The following PRKAG2 variants were observed in gnomAD, a reference collection of about 807,000 sequenced individuals.
The protein encoded by PRKAG2 is protein kinase AMP-activated non-catalytic subunit gamma 2, also known as 5'-AMP-activated protein kinase subunit gamma-2.
Under a neutral mutation model 69.6 loss-of-function variants are expected in PRKAG2, and 26 were observed. The ratio of observed to expected loss-of-function variants is 0.37; its 90% confidence interval spans 0.27 to 0.52. The LOEUF (loss-of-function observed/expected upper bound fraction) is 0.52, where lower values mean the gene tolerates loss of function less well. PRKAG2 is among the 20% of genes least tolerant of loss of function. The pLI is 0.90. For missense variants in PRKAG2, 557 were observed against 740.0 expected (o/e 0.75, Z 2.87); for synonymous variants, 293 against 285.0 (o/e 1.03, Z -0.28).
intron 1 of PRKAG2, among the ~76,000 whole-genome samples, chr7:151,855,497 ACCCTCCACACACACCG>A (rs1586730400): frequency 3.2e-5 from 2 of 62,182 alleles, no homozygotes; most frequent in East Asian, 1.0e-3. Context: ...TCCACACACC[ACCCTCCACACACACCG>A]CCCTCCACAC....
At chr7:151,812,044 A>G (rs2078448086) in intron 1 of PRKAG2, among the ~76,000 whole-genome samples, 3 of 151,354 alleles carry the variant, frequency 2.0e-5, no homozygotes, top group South Asian at 4.1e-4. Context: ...ACTGCCACAC[A>G]TGGTGCCAGA....
intron 5 of PRKAG2, among the ~76,000 whole-genome samples, chr7:151,600,270 C>T (rs1815731564): frequency 6.6e-6 from 1 of 152,196 alleles, no homozygotes; most frequent in African/African-American, 2.4e-5. Flanking sequence ...CCGATCTGTG[C>T]ATTTTAGGAA....
chr7:151,574,321 G>A (rs759785438), intron 8 of PRKAG2, among the ~76,000 whole-genome samples: 3 of 152,298 alleles, frequency 2.0e-5, no homozygotes, highest in Middle Eastern at 3.4e-3. Context: ...GTTAGATGAA[G>A]GACAAAAGTG....
At chr7:151,565,034 G>A (rs1423572441) in intron 13 of PRKAG2, among the ~76,000 whole-genome samples, 2 of 152,010 alleles carry the variant, frequency 1.3e-5, no homozygotes, top group African/African-American at 4.8e-5. Context: ...GTCTAGAGGC[G>A]AATAAATCAG....
rs1216968096 is a variant in PRKAG2 at position 151,836,968 on chromosome 7, A to G, written c.114+39539T>C. On this transcript the variant is annotated intron_variant, in intron 1 of 15. Transcript: ENST00000287878. The surrounding 1 kb of genome is among the most constrained non-coding windows in gnomAD (Gnocchi z 4.1). ...AGACGAGGTCCCTGCCAGACTGCCA[A>G]TGTTTATTTGAGGCTATTTGTTTAA... Among the ~76,000 whole-genome samples, 1 of 151,516 alleles carries G rather than the reference A, an allele frequency of 6.6e-6. No individual in the cohort carries two copies. Among genetic ancestry groups the G allele is most frequent in the Non-Finnish European group, 1.5e-5 (1 of 67,930 alleles).
intron 1 of PRKAG2, among the ~76,000 whole-genome samples, chr7:151,804,250 G>A (rs1215611977): frequency 1.3e-5 from 2 of 152,216 alleles, no homozygotes; most frequent in African/African-American, 2.4e-5. Context: ...CCCTGTAGGT[G>A]ACGCAGGCTG....
At chr7:151,625,342 C>T (rs1490644373) in intron 5 of PRKAG2, among the ~76,000 whole-genome samples, 1 of 152,038 alleles carries the variant, frequency 6.6e-6, no homozygotes, top group Non-Finnish European at 1.5e-5. Context: ...TTTGAGGAAG[C>T]TGATGAAGGC....
intron 6 of PRKAG2, among the ~76,000 whole-genome samples, chr7:151,581,740 C>G (rs1810521684): frequency 6.6e-6 from 1 of 152,178 alleles, no homozygotes; most frequent in Admixed American, 6.5e-5. Context: ...CATCACACCT[C>G]AGGCTTAAAA....
intron 5 of PRKAG2, among the ~76,000 whole-genome samples, chr7:151,620,798 AT>A (rs397689424): frequency 2.7e-5 from 4 of 149,290 alleles, no homozygotes; most frequent in Admixed American, 6.7e-5. Flanking sequence ...GATTAAAAAA[AT>A]TTTTTTTTAA....
chr7:151,647,070 G>A (rs1827687925), intron 4 of PRKAG2, among the ~76,000 whole-genome samples: 1 of 152,260 alleles, frequency 6.6e-6, no homozygotes, highest in South Asian at 2.1e-4. Flanking sequence ...GACCGCACAT[G>A]CATGTGTGCA....
chr7:151,660,392 G>T, intron 4 of PRKAG2, among the ~76,000 whole-genome samples: 1 of 152,128 alleles, frequency 6.6e-6, no homozygotes, highest in East Asian at 1.9e-4. Context: ...TTTCTTAAAA[G>T]AATCTGATTC....
intron 1 of PRKAG2, among the ~76,000 whole-genome samples, chr7:151,812,664 C>G (rs978015654): frequency 6.6e-6 from 1 of 152,160 alleles, no homozygotes; most frequent in Non-Finnish European, 1.5e-5. Flanking sequence ...AGCTGGGTAA[C>G]AAACACGAAG....
chr7:151,730,248 T>C (rs1403706303), intron 3 of PRKAG2, among the ~76,000 whole-genome samples: 1 of 152,250 alleles, frequency 6.6e-6, no homozygotes, highest in Non-Finnish European at 1.5e-5. Context: ...CTCACTGCTG[T>C]CCCTAGTGTG....
chr7:151,607,400 G>T (rs921000022), intron 5 of PRKAG2, among the ~76,000 whole-genome samples: 10 of 152,058 alleles, frequency 6.6e-5, no homozygotes, highest in African/African-American at 2.2e-4. Context: ...TAGCAGCTGA[G>T]ACTACAGATG....
chr7:151,623,382 A>G (rs1206598270), intron 5 of PRKAG2, among the ~76,000 whole-genome samples: 1 of 150,552 alleles, frequency 6.6e-6, no homozygotes, highest in Non-Finnish European at 1.5e-5. Context: ...AAAAAAAAAA[A>G]AAAAAAAAAG....
At chr7:151,758,600 T>A (rs932754686) in intron 3 of PRKAG2, among the ~76,000 whole-genome samples, 8 of 152,164 alleles carry the variant, frequency 5.3e-5, no homozygotes, top group African/African-American at 1.9e-4. Flanking sequence ...AGACATGGTG[T>A]TCTTCCCATG....
chr7:151,845,760 C>T (rs1015876046), intron 1 of PRKAG2, among the ~76,000 whole-genome samples: 7 of 152,180 alleles, frequency 4.6e-5, no homozygotes, highest in Admixed American at 2.6e-4. Context: ...ACTGCGGGGG[C>T]GGGAAAGGCC....
At chr7:151,857,933 T>G (rs978700483) in intron 1 of PRKAG2, among the ~76,000 whole-genome samples, 8 of 152,220 alleles carry the variant, frequency 5.3e-5, no homozygotes, top group African/African-American at 1.9e-4. Context: ...GTTTTACTCC[T>G]TTGGCTGCTC....
chr7:151,565,580 T>C, intron 12 of PRKAG2, 140 bp downstream of exon 12: 2 of 1,216,828 alleles, frequency 1.6e-6, no homozygotes, highest in East Asian at 2.5e-5. Flanking sequence ...TTTACGATCC[T>C]GCGTGCCCCT....
Sources: allele counts gnomAD v4.1 joint callset (sites outside exome capture counted in the v4.1 genomes callset), GRCh38; gene constraint gnomAD v4.1.1; non-coding constraint Gnocchi (gnomAD v3.1); transcripts MANE v1.5; gene names NCBI Gene and HGNC (gene_info 2026-07-23, HGNC 2026-07-21).